Variants in KLF8 observed in about 807,000 individuals in gnomAD.
The protein encoded by KLF8 is KLF transcription factor 8.
In KLF8, 10 loss-of-function variants were observed where a neutral mutation model predicts 18.2. The observed-to-expected ratio is 0.55, with a 90% CI of 0.34 to 0.93. The LOEUF (loss-of-function observed/expected upper bound fraction) is 0.93, where lower values mean the gene tolerates loss of function less well. Among genes scored for constraint, KLF8 ranks in the 40% least tolerant of loss-of-function variants. KLF8 has a pLI of 0.02. For missense variants in KLF8, 264 were observed against 277.9 expected (o/e 0.95, Z 0.36); for synonymous variants, 109 against 97.3 (o/e 1.12, Z -0.71).
the KLF8 span, among the ~76,000 whole-genome samples, chrX:55,931,820 G>T: frequency 2.7e-5 from 3 of 111,087 alleles, no homozygotes; most frequent in Non-Finnish European, 5.7e-5. Context: ...GTGCAATGTG[G>T]TGCTGAGAAG....
chrX:56,052,599 C>T, the KLF8 span, among the ~76,000 whole-genome samples: 3 of 111,781 alleles, frequency 2.7e-5, no homozygotes, highest in East Asian at 8.5e-4. Context: ...GGGTCAAGGA[C>T]CCACTTGAGG....
At chrX:56,069,724 C>T in the KLF8 span, among the ~76,000 whole-genome samples, 1 of 112,123 alleles carries the variant, frequency 8.9e-6, no homozygotes, top group Non-Finnish European at 1.9e-5. Context: ...TCCCCTAGAG[C>T]TTCCAGCCCA....
chrX:56,140,877 A>G, the KLF8 span, among the ~76,000 whole-genome samples: 2 of 110,214 alleles, frequency 1.8e-5, no homozygotes, highest in Admixed American at 9.7e-5. Flanking sequence ...AACTTTCTTC[A>G]TACTCTTGCC....
the KLF8 span, among the ~76,000 whole-genome samples, chrX:56,081,570 A>C: frequency 8.9e-6 from 1 of 111,966 alleles, no homozygotes; most frequent in Non-Finnish European, 1.9e-5. Flanking sequence ...TTTTATTGGG[A>C]AACTTTTGTC....
the KLF8 span, among the ~76,000 whole-genome samples, chrX:56,104,012 G>A: frequency 2.7e-5 from 3 of 111,713 alleles, no homozygotes; most frequent in Non-Finnish European, 5.6e-5. Context: ...GCTGGATTAT[G>A]TTTATTAATT....
the KLF8 span, among the ~76,000 whole-genome samples, chrX:55,965,234 A>C: frequency 1.8e-5 from 2 of 112,544 alleles, no homozygotes; most frequent in East Asian, 5.6e-4. Context: ...ACTTGGATCA[A>C]CATATACAAA....
At chrX:56,194,191 T>C in the KLF8 span, among the ~76,000 whole-genome samples, 1 of 111,139 alleles carries the variant, frequency 9.0e-6, no homozygotes, top group South Asian at 3.9e-4. Context: ...CTGAGGTACC[T>C]GGTTCATCTC....
chrX:56,065,548 AT>A, the KLF8 span, among the ~76,000 whole-genome samples: 3 of 110,032 alleles, frequency 2.7e-5, no homozygotes, highest in Admixed American at 9.7e-5. Flanking sequence ...AGATTTCATA[AT>A]TTTTTTTCAT....
chrX:56,033,303 T>A, the KLF8 span, among the ~76,000 whole-genome samples: 1 of 111,737 alleles, frequency 8.9e-6, no homozygotes, highest in East Asian at 2.8e-4. Context: ...CATATTTCAC[T>A]TAGCATAATG....
the KLF8 span, among the ~76,000 whole-genome samples, chrX:56,188,016 C>T: frequency 7.2e-5 from 8 of 111,300 alleles, no homozygotes; most frequent in African/African-American, 2.3e-4. Flanking sequence ...GTTGGAAGTT[C>T]TGGCCAGGGC....
the KLF8 span, among the ~76,000 whole-genome samples, chrX:55,980,117 C>G: frequency 4.9e-3 from 546 of 111,288 alleles, 4 homozygotes; most frequent in African/African-American, 0.017. Context: ...GCTGATGGAT[C>G]GAGAGAACAC....
the KLF8 span, among the ~76,000 whole-genome samples, chrX:56,153,498 A>T: frequency 1.8e-5 from 2 of 111,922 alleles, no homozygotes; most frequent in Non-Finnish European, 3.8e-5. Flanking sequence ...TATGAAGAAA[A>T]TATGGCTTTA....
chrX:55,956,566 A>G, the KLF8 span, among the ~76,000 whole-genome samples: 1 of 111,603 alleles, frequency 9.0e-6, no homozygotes, highest in Non-Finnish European at 1.9e-5. Flanking sequence ...TGACCAATAC[A>G]TGCTATTTTC....
the KLF8 span, among the ~76,000 whole-genome samples, chrX:56,090,422 C>G: frequency 6.3e-5 from 7 of 111,515 alleles, no homozygotes; most frequent in Admixed American, 1.9e-4. Context: ...TACGAAGACA[C>G]AGAATAAACA....
At chrX:55,994,194 G>A in the KLF8 span, among the ~76,000 whole-genome samples, 1 of 108,104 alleles carries the variant, frequency 9.3e-6, no homozygotes, top group Non-Finnish European at 1.9e-5. Context: ...ACAGGCTTGA[G>A]GCACTGCACT....
chrX:56,030,018 GACTA>G, the KLF8 span, among the ~76,000 whole-genome samples: 2 of 112,284 alleles, frequency 1.8e-5, no homozygotes, highest in East Asian at 2.8e-4. Context: ...TCTGCACTTT[GACTA>G]ACTAAGGCCA....
chrX:56,288,069 C>G lies in KLF8; in HGVS notation c.*3575C>G, dbSNP rs2067287071. On this transcript the variant is annotated 3_prime_UTR_variant, in exon 6 of 6. Coordinates refer to ENST00000468660, the MANE Select transcript of KLF8 (RefSeq NM_007250.5). ...TGGACAACATGGTGAAACCACGTCT[C>G]TATTAAAAATACAAAAAATTAGCCA... Among the ~76,000 whole-genome samples, 1 of 110,148 alleles carries G rather than the reference C, an allele frequency of 9.1e-6. No individual in the cohort carries two copies. Among genetic ancestry groups the G allele is most frequent in the Non-Finnish European group, 1.9e-5 (1 of 52,946 alleles).
the KLF8 span, among the ~76,000 whole-genome samples, chrX:55,965,288 T>C: frequency 1.8e-5 from 2 of 112,172 alleles, no homozygotes; most frequent in Non-Finnish European, 3.8e-5. Flanking sequence ...CAAAAACACA[T>C]GGTGATGACA....
the KLF8 span, among the ~76,000 whole-genome samples, chrX:56,195,836 G>C: frequency 9.0e-6 from 1 of 111,484 alleles, no homozygotes. Flanking sequence ...CAGAGAGAAA[G>C]GTCGAGTTAC....
Sources: gnomAD v4.1 joint callset for allele counts (sites outside exome capture counted in the v4.1 genomes callset) on GRCh38, gnomAD v4.1.1 for gene constraint, MANE v1.5 for transcripts, NCBI Gene and HGNC (gene_info 2026-07-23, HGNC 2026-07-21) for gene names.